The following EXOC1 variants were observed in gnomAD, a reference collection of about 807,000 sequenced individuals.
The protein encoded by EXOC1 is exocyst complex component 1, also known as SEC3-like 1.
A neutral mutation model predicts 107.7 loss-of-function variants in EXOC1; 67 were observed. The ratio of observed to expected loss-of-function variants is 0.62; its 90% CI spans 0.51 to 0.76. The LOEUF (loss-of-function observed/expected upper bound fraction) is 0.76. Among genes scored for constraint, EXOC1 ranks in the 30% least tolerant of loss-of-function variants. The pLI is 0.00. For synonymous variants in EXOC1, 348 were observed against 353.5 expected (o/e 0.98, Z 0.17); for missense variants, 833 against 1,055.7 (o/e 0.79, Z 2.92).
At chr4:55,877,075 A>G (rs1722968594) in intron 8 of EXOC1, 19 of 977,868 alleles carry the variant, frequency 1.9e-5, no homozygotes, top group Non-Finnish European at 2.3e-5. Flanking sequence ...TATTTTGTGT[A>G]TATAGTACAG....
intron 17 of EXOC1, chr4:55,900,618 G>GT (rs1263318397): frequency 1.3e-5 from 2 of 152,234 alleles, no homozygotes; most frequent in African/African-American, 4.8e-5. Context: ...ACTCACACCT[G>GT]TAATCCCAGC....
chr4:55,865,630 T>C (rs1721888925), intron 4 of EXOC1, among the ~76,000 whole-genome samples: 1 of 152,196 alleles, frequency 6.6e-6, no homozygotes. Context: ...GATTCAGTGA[T>C]TCACAAGCTT....
intron 8 of EXOC1, chr4:55,876,737 A>G (rs1722933177): frequency 1.0e-6 from 1 of 985,388 alleles, no homozygotes; most frequent in Non-Finnish European, 1.2e-6. Context: ...CTAAGTAGAT[A>G]TCAGTAAGAT....
At chr4:55,860,349 G>A (rs1302681113) in intron 2 of EXOC1, 62 bp from the exon 3 acceptor site, 14 of 1,596,082 alleles carry the variant, frequency 8.8e-6, no homozygotes, top group African/African-American at 1.3e-5. Context: ...CTTGCAATGA[G>A]TGAATGAAGA....
rs771043461 is a variant in EXOC1 at position 55,899,676 on chromosome 4, T to G, written c.2138-9T>G. On this transcript the variant is annotated splice_polypyrimidine_tract_variant and intron_variant, in intron 16 of 18. Coordinates refer to ENST00000381295, the MANE Select transcript of EXOC1 (RefSeq NM_001024924.2). ...AGATGTTATTTTATTTTTTCTGTTT[T>G]GGTTTTAGTGGAGAAAGTAGCAAAT... 2 of 1,602,590 alleles carry G rather than the reference T, an allele frequency of 1.2e-6. No individual in the cohort carries two copies. Among genetic ancestry groups the G allele is most frequent in the South Asian group, 2.3e-5 (2 of 88,776 alleles).
chr4:55,893,222 C>T (rs555681252), intron 14 of EXOC1, among the ~76,000 whole-genome samples: 3 of 152,248 alleles, frequency 2.0e-5, no homozygotes, highest in South Asian at 2.1e-4. Flanking sequence ...CGGGTTCAAG[C>T]GATTCTCCTG....
rs758112657 is a variant in EXOC1, at chr4:55,877,972, A to G, written c.1130A>G (p.Asn377Ser). 40 of 1,613,788 alleles carry G rather than the reference A, an allele frequency of 2.5e-5. No homozygotes were observed. Among genetic ancestry groups the G allele is most frequent in the African/African-American group, 4.0e-5 (3 of 74,910 alleles). The change falls in exon 9 of 19, where the codon AAT (asparagine) becomes AGT (serine). Residue 377 changes from asparagine to serine, a missense_variant. Around this residue, in one of 2 missense-constraint regions of EXOC1, gnomAD observed 617 missense variants for 701.3 expected, o/e 0.88. Coordinates refer to ENST00000381295, the MANE Select transcript of EXOC1 (RefSeq NM_001024924.2). ...AQHSVELTLP[N>S]HHPFHRDLLR... ...CACTCTGTTGAACTGACTTTACCCA[A>G]TCATCATCCATTTCATAGAGATTTG...
chr4:55,902,623 A>C, intron 18 of EXOC1, 85 bp downstream of exon 18: 1 of 1,112,326 alleles, frequency 9.0e-7, no homozygotes, highest in Non-Finnish European at 1.2e-6. Flanking sequence ...AATGCTACAG[A>C]TCTAGAGCAG....
At chr4:55,888,508 T>C (rs1370211160) in intron 10 of EXOC1, among the ~76,000 whole-genome samples, 1 of 152,052 alleles carries the variant, frequency 6.6e-6, no homozygotes, top group Non-Finnish European at 1.5e-5. Flanking sequence ...TTCTAATAAA[T>C]TGCCACTTTA....
chr4:55,891,180 C>T (rs1358956074), intron 12 of EXOC1, 135 bp from the exon 13 acceptor site: 4 of 615,212 alleles, frequency 6.5e-6, no homozygotes, highest in African/African-American at 1.8e-5. Context: ...TTTGGGATTC[C>T]ATTGAGATTA....
At position 55,893,583 on chromosome 4, in the gene EXOC1, A is replaced by G. The variant is rs200791500; in HGVS notation, c.1756A>G (p.Ile586Val). 3 of 1,613,778 alleles carry G rather than the reference A, an allele frequency of 1.9e-6. No homozygotes were observed. The highest frequency in any genetic ancestry group is 2.5e-6 in the Non-Finnish European group (3 of 1,179,996). The change falls in exon 15 of 19, where the codon ATA becomes GTA. Residue 586 changes from isoleucine (I) to valine (V), a missense_variant. By Grantham distance (29) the Ile-to-Val change is conservative (BLOSUM62 3). Around this residue, in one of 2 missense-constraint regions of EXOC1, gnomAD observed 617 missense variants for 701.3 expected, o/e 0.88. Coordinates refer to ENST00000381295, the MANE Select transcript of EXOC1 (RefSeq NM_001024924.2). ...TATGATCCGCCAAATGATGATTAAA[A>G]TATTTCGCTGCATTGAGCCAGAGCT... The part of the protein sequence containing the change: ...KDMIRQMMIK[I>V]FRCIEPELNN...
intron 18 of EXOC1, among the ~76,000 whole-genome samples, chr4:55,903,536 A>G (rs1405897950): frequency 3.3e-5 from 5 of 152,196 alleles, no homozygotes; most frequent in Non-Finnish European, 7.3e-5. Flanking sequence ...GTTGGCAGGA[A>G]TTTAGGATTT....
chr4:55,889,693 G>A (rs1724294258), intron 11 of EXOC1, among the ~76,000 whole-genome samples: 1 of 152,174 alleles, frequency 6.6e-6, no homozygotes, highest in Non-Finnish European at 1.5e-5. Context: ...TGAATCATAT[G>A]TAATTGACTT....
In EXOC1 at chr4:55,893,591, CT is replaced by C. The variant is rs868576970; in HGVS notation, c.1765del (p.Cys589AlafsTer6). The C allele has an allele frequency of 1.9e-6, 3 of 1,613,750 alleles. No homozygotes were observed. Among genetic ancestry groups the C allele is most frequent in the African/African-American group, 1.3e-5 (1 of 74,922 alleles). ...GCCAAATGATGATTAAAATATTTCGCTGCATTGAGCCAGAGCTGAACAACCT... is the reference window on the plus strand; with the variant it reads ...GCCAAATGATGATTAAAATATTTCGCGCATTGAGCCAGAGCTGAACAACCT... Reference protein sequence around the residue: ...IRQMMIKIFRCIEPELNNLIA... With the variant: ...IRQMMIKIFRXIEPELNNLIA... On this transcript the variant is annotated frameshift_variant, in exon 15 of 19. Transcript: ENST00000381295. LOFTEE classifies it high-confidence loss of function.
chr4:55,860,363 A>C, intron 2 of EXOC1, 48 bp from the exon 3 acceptor site: 1 of 1,604,970 alleles, frequency 6.2e-7, no homozygotes, highest in Non-Finnish European at 8.5e-7. Context: ...ATGAAGAATG[A>C]GTGAAAGGGG....
chr4:55,899,124 T>G lies in EXOC1; in HGVS notation c.2138-561T>G, dbSNP rs188694552. Among the ~76,000 whole-genome samples, 598 of 152,228 alleles carry G rather than the reference T, an allele frequency of 3.9e-3. 4 individuals are homozygous for G. Among genetic ancestry groups the G allele is most frequent in the Non-Finnish European group, 6.4e-3 (433 of 67,956 alleles). ...ATTATCTCACTATTTTATTTTGCAT[T>G]TCATTGATTTTGTATATGGTGTCTT... On this transcript the variant is annotated intron_variant, in intron 16 of 18. Coordinates refer to ENST00000381295, the MANE Select transcript of EXOC1 (RefSeq NM_001024924.2).
Position 55,870,798 on chromosome 4 carries a change from C to T in EXOC1, c.724C>T (p.Leu242Phe), listed in dbSNP as rs1722356864. 1 of 1,613,682 alleles carries T rather than the reference C, an allele frequency of 6.2e-7. No individual in the cohort carries two copies. Among genetic ancestry groups the T allele is most frequent in the Non-Finnish European group, 8.5e-7 (1 of 1,179,892 alleles). ...ELKLSSYEEM[L>F]QSVKEQMDQI... ...GAAACTGAGCAGTTATGAGGAAATG[C>T]TCCAAAGTGTAAAAGAACAAATGGA... The change falls in exon 6 of 19, where the codon CTC becomes TTC. Residue 242 changes from leucine to phenylalanine, a missense_variant. By Grantham distance (22) the Leu-to-Phe change is conservative. Transcript: ENST00000381295.
chr4:55,854,593 C>G (rs767350139), intron 1 of EXOC1, among the ~76,000 whole-genome samples: 12 of 152,200 alleles, frequency 7.9e-5, no homozygotes, highest in Admixed American at 1.3e-4. Context: ...ATGTTGACTA[C>G]TGTAACCTAG....
At position 55,903,161 on chromosome 4, in the gene EXOC1, AAAAG is replaced by A. The variant is rs869065975; in HGVS notation, c.2532+639_2532+642del. On this transcript the variant is annotated intron_variant, in intron 18 of 18. Transcript: ENST00000381295. ...CGTGTCTCAATTAAAAAAAAAAAAA[AAAAG>A]AAAGAAAGAAAGAAAAAGAAAGAAA... 6.7e-3 allele frequency among the ~76,000 whole-genome samples: 583 copies of A among 87,334 alleles called. 6 individuals are homozygous for A. The highest frequency in any genetic ancestry group is 8.6e-3 in the African/African-American group (230 of 26,856). 57.3% of individuals were successfully genotyped at this position (87,334 alleles called of 152,430 possible). A position where few individuals can be genotyped will look rare whatever the true frequency, so the allele number is the denominator to read the frequency against.
Sources: allele counts gnomAD v4.1 joint callset (sites outside exome capture counted in the v4.1 genomes callset), GRCh38; gene constraint gnomAD v4.1.1; regional missense constraint gnomAD v4.1.1; transcripts MANE v1.5; gene names NCBI Gene and HGNC (gene_info 2026-07-23, HGNC 2026-07-21).